Variants in BCL2L11 observed in about 807,000 individuals in gnomAD.
BCL2L11 encodes the protein BCL2 like 11, also known as bcl-2-like protein 11.
BCL2L11 carries 15 observed loss-of-function variants against 20.6 expected under a neutral mutation model. The observed-to-expected ratio is 0.73, with a 90% confidence interval of 0.49 to 1.12. BCL2L11 has a LOEUF of 1.12. Ranked by LOEUF, BCL2L11 falls within the 50% of genes most tolerant of loss-of-function variation. BCL2L11 has a pLI of 0.00. For synonymous variants in BCL2L11, 108 were observed against 92.8 expected, an observed-to-expected ratio of 1.16 and a Z score of -0.94; for missense variants, 292 against 260.9, an observed-to-expected ratio of 1.12 and a Z score of -0.82.
At chr2:111,153,012 GTAGGGATAGATTC>G in intron 3 of BCL2L11, among the ~76,000 whole-genome samples, 1 of 151,570 alleles carries the variant, frequency 6.6e-6, no homozygotes, top group Non-Finnish European at 1.5e-5. Flanking sequence ...GGGGGAAGGA[GTAGGGATAGATTC>G]TAGGTTATAA....
chr2:111,146,066 G>A (rs1031525811), intron 2 of BCL2L11: 1 of 984,744 alleles, frequency 1.0e-6, no homozygotes, highest in African/African-American at 1.8e-5. Flanking sequence ...CTCAAGAGCA[G>A]TTTATATTTT....
At chr2:111,146,286 C>T in intron 2 of BCL2L11, 1 of 940,186 alleles carries the variant, frequency 1.1e-6, no homozygotes, top group Admixed American at 6.2e-5. Context: ...TTTTATAGAC[C>T]AGGTATCAAC....
chr2:111,140,970 C>T (rs1332739213), intron 2 of BCL2L11, among the ~76,000 whole-genome samples: 2 of 152,228 alleles, frequency 1.3e-5, no homozygotes, highest in Non-Finnish European at 2.9e-5. Context: ...ATACACTGTA[C>T]AAGGTGTTGA....
intron 3 of BCL2L11, chr2:111,161,619 T>C (rs1197371539): frequency 3.4e-6 from 5 of 1,472,536 alleles, no homozygotes; most frequent in East Asian, 5.0e-5. Flanking sequence ...AGCTCCTGGC[T>C]CAGTCTTAGT....
intron 2 of BCL2L11, chr2:111,132,391 G>A (rs2074113181): frequency 6.6e-6 from 1 of 152,212 alleles, no homozygotes; most frequent in Non-Finnish European, 1.5e-5. Context: ...TGCAGTTTGA[G>A]TTGTAGGCAA....
At chr2:111,134,918 G>A (rs755014083) in intron 2 of BCL2L11, among the ~76,000 whole-genome samples, 5 of 152,182 alleles carry the variant, frequency 3.3e-5, no homozygotes, top group Non-Finnish European at 4.4e-5. Flanking sequence ...TCATTCCTAT[G>A]TGGCTGCTTT....
rs905734327 is a variant in BCL2L11, at chr2:111,164,895, T to C, written c.*664T>C. 2.0e-5 allele frequency: 3 copies of C among 152,420 alleles called. No individual in the cohort carries two copies. Among genetic ancestry groups the C allele is most frequent in the African/African-American group, 7.2e-5 (3 of 41,462 alleles). The allele number at this position is 152,420 out of a possible 1,614,324, so 9.4% of individuals were successfully genotyped here. On this transcript the variant is annotated 3_prime_UTR_variant, in exon 4 of 4. Coordinates refer to ENST00000393256, the MANE Select transcript of BCL2L11 (RefSeq NM_138621.5). ...GATATACCAGTCCCATTTGTAAATATTTACGTACCTTTATAAATTCAGTTG... is the reference window on the plus strand; with the variant it reads ...GATATACCAGTCCCATTTGTAAATACTTACGTACCTTTATAAATTCAGTTG...
chr2:111,126,585 A>G (rs1430798762), intron 2 of BCL2L11, among the ~76,000 whole-genome samples: 2 of 152,158 alleles, frequency 1.3e-5, no homozygotes, highest in South Asian at 2.1e-4. Flanking sequence ...AAATTGAAGC[A>G]TAAAATTTAC....
At chr2:111,125,832 A>T (rs78307618) in intron 2 of BCL2L11, among the ~76,000 whole-genome samples, 130 of 152,212 alleles carry the variant, frequency 8.5e-4, no homozygotes, top group African/African-American at 2.9e-3. Flanking sequence ...TGCTGTTACT[A>T]CTGCTCGTGA....
At chr2:111,122,856 G>GGGCGGGCCGGACGC in intron 1 of BCL2L11, 1 of 985,500 alleles carries the variant, frequency 1.0e-6, no homozygotes, top group Non-Finnish European at 1.2e-6. Flanking sequence ...TCGGCGAAGG[G>GGGCGGGCCGGACGC]CGCGGGCCGG....
intron 2 of BCL2L11, among the ~76,000 whole-genome samples, chr2:111,126,463 A>G (rs1367296329): frequency 6.6e-6 from 1 of 152,170 alleles, no homozygotes; most frequent in Non-Finnish European, 1.5e-5. Flanking sequence ...GAGTTTGTTT[A>G]AAGTTAATGT....
At chr2:111,138,261 G>A (rs986534844) in intron 2 of BCL2L11, among the ~76,000 whole-genome samples, 4 of 152,078 alleles carry the variant, frequency 2.6e-5, no homozygotes, top group Non-Finnish European at 5.9e-5. Context: ...CGCCTACCTC[G>A]GCCTCCCAAA....
At chr2:111,151,645 C>T (rs2077272179) in intron 3 of BCL2L11, among the ~76,000 whole-genome samples, 1 of 152,118 alleles carries the variant, frequency 6.6e-6, no homozygotes, top group African/African-American at 2.4e-5. Context: ...TTTCCCATTA[C>T]AAAGGACACT....
At chr2:111,161,300 C>T in intron 3 of BCL2L11, 1 of 1,286,322 alleles carries the variant, frequency 7.8e-7, no homozygotes, top group Non-Finnish European at 1.1e-6. Context: ...AGCATCTTCC[C>T]TGATTGTATT....
chr2:111,146,722 T>C (rs1376968579), intron 2 of BCL2L11, among the ~76,000 whole-genome samples: 1 of 152,230 alleles, frequency 6.6e-6, no homozygotes, highest in Non-Finnish European at 1.5e-5. Context: ...AAGAGAGGCT[T>C]TCTCTATCCC....
chr2:111,138,010 TTC>T (rs201118137), intron 2 of BCL2L11, among the ~76,000 whole-genome samples: 13 of 132,360 alleles, frequency 9.8e-5, no homozygotes, highest in African/African-American at 3.7e-4. Context: ...CTTTCTTTCT[TTC>T]TTTTTTTTTT....
In BCL2L11 at chr2:111,139,896, C is replaced by T. The variant is rs369722271; in HGVS notation, c.395-10148C>T. Among the ~76,000 whole-genome samples the T allele has an allele frequency of 7.9e-5, 12 of 152,358 alleles. No homozygotes were observed. The East Asian group carries it at 1.3e-3, about 17-fold the overall frequency. On this transcript the variant is annotated intron_variant, in intron 2 of 3. Coordinates refer to ENST00000393256, the MANE Select transcript of BCL2L11 (RefSeq NM_138621.5). The stretch of plus-strand genomic sequence containing the variant: ...GGTGTGGCAAGAAATAGCCCTGAGA[C>T]AGGGCTGCTGGCACGCAGCTCTCCT...
At chr2:111,139,646 A>T (rs2075481731) in intron 2 of BCL2L11, among the ~76,000 whole-genome samples, 1 of 152,228 alleles carries the variant, frequency 6.6e-6, no homozygotes, top group Admixed American at 6.5e-5. Context: ...TCTTCTTGGT[A>T]ACCTTTTTTC....
chr2:111,151,457 C>CT (rs1559073658), intron 3 of BCL2L11, among the ~76,000 whole-genome samples: 2 of 151,640 alleles, frequency 1.3e-5, no homozygotes, highest in Non-Finnish European at 2.9e-5. Flanking sequence ...TCTTTTAGCT[C>CT]TTTTTTTTCT....
Sources: allele counts gnomAD v4.1 joint callset (sites outside exome capture counted in the v4.1 genomes callset), GRCh38; gene constraint gnomAD v4.1.1; transcripts MANE v1.5; gene names NCBI Gene and HGNC (gene_info 2026-07-23, HGNC 2026-07-21).